Variants in ARL17A observed in about 807,000 individuals in gnomAD.
ARL17A encodes ADP-ribosylation factor-like 17-like.
intron 3 of ARL17A, among the ~76,000 whole-genome samples, chr17:46,569,193 C>T (rs1333446910): frequency 6.6e-6 from 1 of 151,754 alleles, no homozygotes; most frequent in South Asian, 2.1e-4. Flanking sequence ...GGTGATCCAC[C>T]AGCCTTGGCT....
the ARL17A span, among the ~76,000 whole-genome samples, chr17:46,509,919 AAAAAG>A: frequency 2.5e-4 from 17 of 68,266 alleles, 4 homozygotes; most frequent in African/African-American, 6.6e-4. Flanking sequence ...GGAAAAAAAA[AAAAAG>A]AAAAGAAAAA....
the ARL17A span, among the ~76,000 whole-genome samples, chr17:46,503,322 C>CTCAA: frequency 1.1e-4 from 17 of 149,648 alleles, no homozygotes; most frequent in Admixed American, 6.6e-5. Flanking sequence ...TATTCATTCA[C>CTCAA]TCAATCAACA....
At chr17:46,543,375 G>C (rs1484234287) in intron 3 of ARL17A, among the ~76,000 whole-genome samples, 5 of 150,646 alleles carry the variant, frequency 3.3e-5, no homozygotes, top group Admixed American at 6.6e-5. Flanking sequence ...AACAATCCTG[G>C]GAACAGTTCT....
rs563319509 is a variant in ARL17A at position 46,534,902 on chromosome 17, G to T, written c.335+3449C>A. On this transcript the variant is annotated intron_variant, in intron 4 of 4. Transcript: ENST00000329240. The stretch of plus-strand genomic sequence containing the variant: ...CACTTCTCAGACGGGGCGGCTGCTG[G>T]GCGGAGGGGCTCCTCACTTCTCAGA... Among the ~76,000 whole-genome samples the T allele has an allele frequency of 2.7e-5, 4 of 149,468 alleles. No individual in the cohort carries two copies. The East Asian group carries it at 7.8e-4, about 29-fold the overall frequency.
rs3106341 is a variant in ARL17A at position 46,533,374 on chromosome 17, T to C, written c.336-4515A>G. ...TTGTTTCAATGGTATACAAAAACTT[T>C]GCTTCTCTAAAGCTCCACTCTCACC... On this transcript the variant is annotated intron_variant, in intron 4 of 4. Coordinates refer to the ARL17A transcript ENST00000329240. Among the ~76,000 whole-genome samples the C allele has an allele frequency of 2.9e-3, 291 of 99,036 alleles. 1 individual carries two copies. The highest frequency in any genetic ancestry group is 4.0e-3 in the Non-Finnish European group (219 of 54,814). 65.0% of individuals were successfully genotyped at this position (99,036 alleles called of 152,430 possible).
rs529034746 is a variant in ARL17A at position 46,529,041 on chromosome 17, C to T, written c.336-182G>A. Among the ~76,000 whole-genome samples, 4 of 73,300 alleles carry T rather than the reference C, an allele frequency of 5.5e-5. No homozygotes were observed. The East Asian group carries it at 8.8e-4, about 16-fold the overall frequency. 48.1% of individuals were successfully genotyped at this position (73,300 alleles called of 152,430 possible). ...AGTTTGTCATTTAAATTTATTTTCA[C>T]AGCCTGCTTTGGACATTTTTTCAGC... On this transcript the variant is annotated intron_variant, in intron 4 of 4. Transcript: ENST00000329240.
intron 2 of ARL17A, among the ~76,000 whole-genome samples, chr17:46,572,980 AG>A: frequency 9.8e-6 from 1 of 102,106 alleles, no homozygotes; most frequent in African/African-American, 3.9e-5. Flanking sequence ...AAAGGGAGGG[AG>A]GGAGGGAGGG....
intron 3 of ARL17A, among the ~76,000 whole-genome samples, chr17:46,569,328 T>C (rs2057644183): frequency 6.7e-6 from 1 of 149,934 alleles, no homozygotes; most frequent in Non-Finnish European, 1.5e-5. Context: ...ATTTTGGAGA[T>C]GTTATAATAG....
chr17:46,505,555 ACTG>A, the ARL17A span, among the ~76,000 whole-genome samples: 1 of 49,226 alleles, frequency 2.0e-5, no homozygotes, highest in African/African-American at 1.5e-4. Context: ...GCAACCTCAA[ACTG>A]CTGGGCTCAA....
At chr17:46,549,091 A>T (rs1454858429), downstream of ARL17A, 1 of 1,611,914 alleles carries the variant, frequency 6.2e-7, no homozygotes, top group African/African-American at 1.4e-5. Flanking sequence ...GACCCACAGA[A>T]CACCCAAAGT....
At chr17:46,502,004 T>A in the ARL17A span, among the ~76,000 whole-genome samples, 1 of 151,336 alleles carries the variant, frequency 6.6e-6, no homozygotes, top group Non-Finnish European at 1.5e-5. Context: ...GTTTCTAACC[T>A]GTGACCATTT....
the ARL17A span, among the ~76,000 whole-genome samples, chr17:46,500,588 A>C: frequency 1.3e-5 from 2 of 150,756 alleles, no homozygotes; most frequent in African/African-American, 2.5e-5. Context: ...GATTGTGAGA[A>C]ACTGCAGATC....
At position 46,554,926 on chromosome 17, in the gene ARL17A, C is replaced by CCGGA; in HGVS notation, c.*2429_*2430insTCCG. 1 of 268,660 alleles carries CCGGA rather than the reference C, an allele frequency of 3.7e-6. No individual in the cohort carries two copies. 16.6% of individuals were successfully genotyped at this position (268,660 alleles called of 1,614,324 possible). On this transcript the variant is annotated 3_prime_UTR_variant, in exon 4 of 4. Transcript: ENST00000336125. ...TCCATGCTGAGCCACATACAAAGTCCCCCCAGTATATTGTGGGGCCCTTCT... is the reference window on the plus strand; with the variant it reads ...TCCATGCTGAGCCACATACAAAGTCCCGGACCCCAGTATATTGTGGGGCCCTTCT...
chr17:46,545,476 AATT>A (rs2056157232), intron 3 of ARL17A, among the ~76,000 whole-genome samples: 1 of 115,900 alleles, frequency 8.6e-6, no homozygotes, highest in Admixed American at 8.9e-5. Flanking sequence ...TCCCCTTGGT[AATT>A]AATAAATAAT....
the ARL17A span, among the ~76,000 whole-genome samples, chr17:46,502,405 G>A: frequency 6.6e-6 from 1 of 151,048 alleles, no homozygotes; most frequent in Non-Finnish European, 1.5e-5. Context: ...CTGCCTCCCA[G>A]ATTCTCCTGT....
At chr17:46,568,875 C>T (rs1447170542) in intron 3 of ARL17A, among the ~76,000 whole-genome samples, 5 of 126,142 alleles carry the variant, frequency 4.0e-5, no homozygotes, top group Non-Finnish European at 8.2e-5. Flanking sequence ...ATGCACTGTG[C>T]GAACTCTGAT....
chr17:46,568,530 C>T (rs1159549450), intron 3 of ARL17A, among the ~76,000 whole-genome samples: 3 of 102,894 alleles, frequency 2.9e-5, no homozygotes, highest in East Asian at 7.4e-4. Flanking sequence ...GGAGGCCAGG[C>T]GAGGTGGCTC....
At chr17:46,548,794 A>G, downstream of ARL17A, 1 of 1,611,900 alleles carries the variant, frequency 6.2e-7, no homozygotes, top group Non-Finnish European at 8.5e-7. Flanking sequence ...ACAGCCCCAC[A>G]CACAGCAGGG....
the ARL17A span, among the ~76,000 whole-genome samples, chr17:46,500,828 A>G: frequency 6.6e-6 from 1 of 151,086 alleles, no homozygotes; most frequent in African/African-American, 2.5e-5. Context: ...ATCAGATTAT[A>G]GGGAAGTGTT....
Sources: gnomAD v4.1 joint callset for allele counts (sites outside exome capture counted in the v4.1 genomes callset) on GRCh38, gnomAD v4.1.1 for gene constraint, MANE v1.5 for transcripts, NCBI Gene and HGNC (gene_info 2026-07-23, HGNC 2026-07-21) for gene names.